Variants in FANCI observed in about 807,000 individuals in gnomAD.
FANCI encodes the protein FA complementation group I, also known as Fanconi anemia group I protein.
Under a neutral mutation model 176.1 loss-of-function variants are expected in FANCI, and 156 were observed. The ratio of observed to expected loss-of-function variants is 0.89; its 90% confidence interval spans 0.78 to 1.01. The LOEUF (loss-of-function observed/expected upper bound fraction) is 1.01, where lower values mean the gene tolerates loss of function less well. Ranked by LOEUF, FANCI falls within the 50% of genes least tolerant of loss-of-function variation. FANCI has a pLI of 0.00. For missense variants in FANCI, 1,678 were observed against 1,534.1 expected (o/e 1.09, Z -1.57); for synonymous variants, 613 against 541.7 (o/e 1.13, Z -1.83).
chr15:89,255,629 C>T (rs1175139821), intron 2 of FANCI, among the ~76,000 whole-genome samples: 1 of 152,108 alleles, frequency 6.6e-6, no homozygotes, highest in Non-Finnish European at 1.5e-5. Flanking sequence ...AAGGAAACAT[C>T]AGACAACACA....
At chr15:89,268,634 C>G in intron 10 of FANCI, 109 bp downstream of exon 10, 2 of 1,395,654 alleles carry the variant, frequency 1.4e-6, no homozygotes, top group Admixed American at 3.4e-5. Context: ...TAAAATGACC[C>G]TGGGTGTGGA....
At chr15:89,274,806 T>C (rs2053345579) in intron 12 of FANCI, among the ~76,000 whole-genome samples, 1 of 151,960 alleles carries the variant, frequency 6.6e-6, no homozygotes. Flanking sequence ...AGTTTCGCCA[T>C]ATTGCCCAGG....
Position 89,294,926 on chromosome 15 carries a change from A to G in FANCI, c.2468A>G (p.Gln823Arg). The change falls in exon 24 of 38, where the codon CAA becomes CGA. Residue 823 changes from glutamine (Q) to arginine (R), a missense_variant. Physicochemically the swap from Gln to Arg is conservative, Grantham distance 43. Transcript: ENST00000310775. ...LLTALFRDSI[Q>R]SHQESLSVLR... ...CTGTCTCTCTCTAGGGATAGTATCC[A>G]AAGCCACCAAGAAAGCCTTTCTGTT... 1 of 1,552,312 alleles carries G rather than the reference A, an allele frequency of 6.4e-7. No individual in the cohort carries two copies. The highest frequency in any genetic ancestry group is 8.7e-7 in the Non-Finnish European group (1 of 1,147,110).
At chr15:89,308,699 C>G (rs540683359) in intron 34 of FANCI, among the ~76,000 whole-genome samples, 1 of 152,316 alleles carries the variant, frequency 6.6e-6, no homozygotes, top group African/African-American at 2.4e-5. Flanking sequence ...AATTGCAGCA[C>G]TTTGGGAGGC....
At chr15:89,251,342 G>T (rs141730480) in intron 2 of FANCI, among the ~76,000 whole-genome samples, 2 of 152,186 alleles carry the variant, frequency 1.3e-5, no homozygotes, top group East Asian at 3.8e-4. Context: ...AAAAACACCA[G>T]GCCCAGATAG....
At chr15:89,310,376 A>G (rs544499465) in intron 34 of FANCI, among the ~76,000 whole-genome samples, 2 of 152,330 alleles carry the variant, frequency 1.3e-5, no homozygotes, top group East Asian at 3.9e-4. Flanking sequence ...TGACATGTAA[A>G]ATGTTGGAAG....
intron 19 of FANCI, chr15:89,290,589 G>T: frequency 7.3e-6 from 2 of 275,054 alleles, no homozygotes; most frequent in Non-Finnish European, 1.4e-5. Flanking sequence ...TTATATTTCT[G>T]AAAGAAAAAA....
intron 34 of FANCI, among the ~76,000 whole-genome samples, chr15:89,309,810 TG>T (rs1195611610): frequency 6.6e-6 from 1 of 152,210 alleles, no homozygotes; most frequent in African/African-American, 2.4e-5. Context: ...AAATAACAAA[TG>T]TTACTATTTG....
intron 1 of FANCI, chr15:89,245,141 A>G (rs2051889151): frequency 7.5e-6 from 1 of 132,648 alleles, no homozygotes; most frequent in African/African-American, 4.2e-5. Flanking sequence ...GGGAACGTTT[A>G]ACAACCTATA....
Position 89,292,807 on chromosome 15 carries a change from T to C in FANCI, c.2112T>C (p.Asp704=). 1 of 1,614,098 alleles carries C rather than the reference T, an allele frequency of 6.2e-7. No individual in the cohort carries two copies. Among genetic ancestry groups the C allele is most frequent in the Non-Finnish European group, 8.5e-7 (1 of 1,179,986 alleles). The change falls in exon 21 of 38, where the codon GAT becomes GAC. Residue 704 remains aspartate (D), a synonymous_variant. Transcript: ENST00000310775. ...AGGCATTCTACGAAGACCTAGATGATATATTGGAGTCCATTACTAATAGAA... is the reference window on the plus strand; with the variant it reads ...AGGCATTCTACGAAGACCTAGATGACATATTGGAGTCCATTACTAATAGAA... ...EEEAFYEDLD[D]ILESITNRMI... is the part of the protein sequence containing the mutation.
intron 19 of FANCI, among the ~76,000 whole-genome samples, chr15:89,290,751 T>G (rs1362489871): frequency 1.3e-5 from 2 of 152,210 alleles, no homozygotes; most frequent in Non-Finnish European, 2.9e-5. Context: ...GAAGAATTCA[T>G]ATAGAGACTC....
At chr15:89,250,559 G>C (rs181381664) in intron 2 of FANCI, among the ~76,000 whole-genome samples, 3 of 130,140 alleles carry the variant, frequency 2.3e-5, no homozygotes, top group African/African-American at 5.5e-5. Flanking sequence ...GTGAGGGGAG[G>C]GGGGAGGGAT....
intron 30 of FANCI, 83 bp downstream of exon 30, chr15:89,305,492 C>A: frequency 6.2e-7 from 1 of 1,605,278 alleles, no homozygotes; most frequent in South Asian, 1.1e-5. Flanking sequence ...TGTCCTATAG[C>A]GGCTTGTGTC....
chr15:89,257,848 T>G (rs1189120918), intron 2 of FANCI, among the ~76,000 whole-genome samples: 1 of 152,178 alleles, frequency 6.6e-6, no homozygotes, highest in East Asian at 1.9e-4. Flanking sequence ...CATTTCACTC[T>G]TAAACCCCCA....
chr15:89,273,021 C>A (rs1178573837), intron 10 of FANCI, among the ~76,000 whole-genome samples: 1 of 151,998 alleles, frequency 6.6e-6, no homozygotes, highest in Non-Finnish European at 1.5e-5. Context: ...GTAATGGGAC[C>A]AGGTGTGGTG....
chr15:89,267,623 A>G (rs1455930535), intron 9 of FANCI, among the ~76,000 whole-genome samples: 3 of 152,068 alleles, frequency 2.0e-5, no homozygotes, highest in Non-Finnish European at 4.4e-5. Flanking sequence ...TTATTTTACG[A>G]AATCTTGTAA....
At chr15:89,248,727 T>A (rs987829157) in intron 2 of FANCI, among the ~76,000 whole-genome samples, 2 of 152,220 alleles carry the variant, frequency 1.3e-5, no homozygotes, top group Non-Finnish European at 1.5e-5. Context: ...TTTCTGACTC[T>A]AGGATAGAGT....
rs12592258 is a variant in FANCI, at chr15:89,301,618, C to T, written c.3006+176C>T. On this transcript the variant is annotated intron_variant, in intron 27 of 37. Coordinates refer to ENST00000310775, the MANE Select transcript of FANCI (RefSeq NM_001113378.2). The stretch of plus-strand genomic sequence containing the variant: ...AAGATGTATTCTTTCCTGTGTAATG[C>T]GTCTACCACAGCATACTTACATGCA... 0.37 allele frequency among the ~76,000 whole-genome samples: 55,972 copies of T among 151,998 alleles called. 10,515 individuals carry two copies. The highest frequency in any genetic ancestry group is 0.39 in the South Asian group (1,899 of 4,812).
In FANCI at chr15:89,293,908, G is replaced by A. The variant is rs11857960; in HGVS notation, c.2367G>A (p.Ala789=). 18 of 1,613,908 alleles carry A rather than the reference G, an allele frequency of 1.1e-5. No homozygotes were observed. The African/African-American group carries it at 1.3e-4, about 12-fold the overall frequency. Reference sequence around the variant, plus strand: ...TCTCTGACATTCTTAATGAAAAAGCGGGTAAAGCCAAAACTAAAATGGCCA... The same window carrying A: ...TCTCTGACATTCTTAATGAAAAAGCAGGTAAAGCCAAAACTAAAATGGCCA... The part of the protein sequence containing the change: ...KKLSDILNEK[A]GKAKTKMANK... The change falls in exon 23 of 38, where the codon GCG becomes GCA. Residue 789 remains alanine, a synonymous_variant. Coordinates refer to ENST00000310775, the MANE Select transcript of FANCI (RefSeq NM_001113378.2).
Sources: allele counts gnomAD v4.1 joint callset (sites outside exome capture counted in the v4.1 genomes callset), GRCh38; gene constraint gnomAD v4.1.1; transcripts MANE v1.5; gene names NCBI Gene and HGNC (gene_info 2026-07-23, HGNC 2026-07-21).